UBE2H: variants seen among roughly 807,000 people sequenced by gnomAD.
UBE2H encodes ubiquitin-conjugating enzyme E2 H.
A neutral mutation model predicts 29.0 loss-of-function variants in UBE2H; 3 were observed. That is an observed-to-expected ratio of 0.10 (90% CI 0.05 to 0.27). The LOEUF is 0.27. Among genes scored for constraint, UBE2H ranks in the 10% least tolerant of loss-of-function variants. The pLI is 1.00. For missense variants in UBE2H, 68 were observed against 228.2 expected (o/e 0.30, Z 4.52); for synonymous variants, 69 against 82.9 (o/e 0.83, Z 0.91).
At chr7:129,862,951 C>A (rs1285178148) in intron 3 of UBE2H, among the ~76,000 whole-genome samples, 3 of 152,124 alleles carry the variant, frequency 2.0e-5, no homozygotes, top group African/African-American at 7.2e-5. Flanking sequence ...TGGCAGATCT[C>A]AAGCAAAACA....
chr7:129,869,127 G>A (rs911534177), intron 3 of UBE2H, among the ~76,000 whole-genome samples: 3 of 151,906 alleles, frequency 2.0e-5, no homozygotes, highest in South Asian at 2.1e-4. Flanking sequence ...GTATAGAGAC[G>A]GGGTTTCTCT....
intron 1 of UBE2H, among the ~76,000 whole-genome samples, chr7:129,904,358 G>A (rs2402980): frequency 0.64 from 97,769 of 151,696 alleles, 32,507 homozygotes; most frequent in East Asian, 0.88. Flanking sequence ...GGCCTTAAGC[G>A]ATCCTCTTGC....
intron 1 of UBE2H, among the ~76,000 whole-genome samples, chr7:129,910,394 A>ATTCCT (rs956250459): frequency 1.3e-5 from 2 of 152,098 alleles, no homozygotes; most frequent in African/African-American, 2.4e-5. Flanking sequence ...AGAGTTAGGA[A>ATTCCT]GTGTCCCTTG....
At chr7:129,926,829 GCTCAGCCCCTT>G (rs1253862293) in intron 1 of UBE2H, among the ~76,000 whole-genome samples, 2 of 152,060 alleles carry the variant, frequency 1.3e-5, no homozygotes, top group African/African-American at 2.4e-5. Flanking sequence ...ATCATAAAAA[GCTCAGCCCCTT>G]CTCCATACAG....
intron 1 of UBE2H, among the ~76,000 whole-genome samples, chr7:129,894,771 G>A (rs1447188455): frequency 6.6e-6 from 1 of 151,662 alleles, no homozygotes; most frequent in Non-Finnish European, 1.5e-5. Flanking sequence ...TTACAGGCCT[G>A]AGCCACCGCG....
At chr7:129,932,477 T>C (rs1292373328) in intron 1 of UBE2H, among the ~76,000 whole-genome samples, 1 of 152,128 alleles carries the variant, frequency 6.6e-6, no homozygotes, top group Non-Finnish European at 1.5e-5. Flanking sequence ...TGTCATGCAC[T>C]GGCCATTTGG....
chr7:129,947,343 A>G (rs1807785746), intron 1 of UBE2H, among the ~76,000 whole-genome samples: 1 of 152,212 alleles, frequency 6.6e-6, no homozygotes, highest in Non-Finnish European at 1.5e-5. Context: ...AAGACCATAA[A>G]GCTGTGCCAA....
intron 1 of UBE2H, among the ~76,000 whole-genome samples, chr7:129,887,238 T>C (rs972711732): frequency 1.3e-5 from 2 of 149,866 alleles, no homozygotes; most frequent in Admixed American, 1.3e-4. Flanking sequence ...TTTTTTTTTT[T>C]TGAGATGGAG....
chr7:129,944,386 A>C (rs1433408523), intron 1 of UBE2H, among the ~76,000 whole-genome samples: 1 of 152,144 alleles, frequency 6.6e-6, no homozygotes, highest in Non-Finnish European at 1.5e-5. Flanking sequence ...AAAACACACA[A>C]GTGAAACAAC....
Position 129,899,557 on chromosome 7 carries a change from T to C in UBE2H, c.54-18586A>G, listed in dbSNP as rs11978225. Among the ~76,000 whole-genome samples the C allele has an allele frequency of 3.7e-3, 566 of 152,324 alleles. 3 individuals are homozygous for C. Among genetic ancestry groups the C allele is most frequent in the African/African-American group, 0.013 (544 of 41,556 alleles). ...TTTTCACAGGGATTCGCTCTACTGT[T>C]CCTTCTTGCCTCTTTAACACAACAC... On this transcript the variant is annotated intron_variant, in intron 1 of 6. Transcript: ENST00000355621.
chr7:129,937,127 AGACCATCCT>A (rs1166186343), intron 1 of UBE2H, among the ~76,000 whole-genome samples: 1 of 152,094 alleles, frequency 6.6e-6, no homozygotes, highest in Non-Finnish European at 1.5e-5. Flanking sequence ...CAGGAGATCG[AGACCATCCT>A]GGCCAACACA....
intron 1 of UBE2H, among the ~76,000 whole-genome samples, chr7:129,900,384 T>C (rs1806686091): frequency 6.6e-6 from 1 of 152,222 alleles, no homozygotes. Context: ...CTTGACTACT[T>C]AAATGTGAGA....
At chr7:129,867,215 T>C (rs914185831) in intron 3 of UBE2H, among the ~76,000 whole-genome samples, 1 of 152,160 alleles carries the variant, frequency 6.6e-6, no homozygotes. Flanking sequence ...GTGCCCCATA[T>C]TTATTATTAA....
At chr7:129,921,317 A>G (rs1344946729) in intron 1 of UBE2H, among the ~76,000 whole-genome samples, 1 of 152,192 alleles carries the variant, frequency 6.6e-6, no homozygotes, top group African/African-American at 2.4e-5. Context: ...CATTGGTGCA[A>G]TCATAGCTCA....
At chr7:129,857,411 A>C in intron 5 of UBE2H, 100 bp downstream of exon 5, 2 of 1,310,136 alleles carry the variant, frequency 1.5e-6, no homozygotes, top group Non-Finnish European at 2.1e-6. Flanking sequence ...ATCCCTTCCC[A>C]TTACCAACAA....
intron 3 of UBE2H, among the ~76,000 whole-genome samples, chr7:129,866,829 C>T (rs567943519): frequency 6.6e-6 from 1 of 152,184 alleles, no homozygotes; most frequent in Non-Finnish European, 1.5e-5. Context: ...CTTTGCCTTT[C>T]TGTTCCCTTA....
intron 3 of UBE2H, among the ~76,000 whole-genome samples, chr7:129,863,807 TG>T (rs1805844106): frequency 7.0e-6 from 1 of 142,156 alleles, no homozygotes; most frequent in Non-Finnish European, 1.6e-5. Flanking sequence ...CAATACTAGG[TG>T]TTTTTTTTTT....
intron 1 of UBE2H, among the ~76,000 whole-genome samples, chr7:129,900,084 C>A (rs962529449): frequency 2.0e-5 from 3 of 150,968 alleles, no homozygotes; most frequent in Non-Finnish European, 4.4e-5. Flanking sequence ...GACCCGAGAT[C>A]ACATCACTGC....
chr7:129,884,024 A>G (rs1806307302), intron 1 of UBE2H, among the ~76,000 whole-genome samples: 1 of 152,178 alleles, frequency 6.6e-6, no homozygotes, highest in African/African-American at 2.4e-5. Flanking sequence ...TGAACCCAGG[A>G]GGCAGAGGTT....
Sources: allele counts gnomAD v4.1 joint callset (sites outside exome capture counted in the v4.1 genomes callset), GRCh38; gene constraint gnomAD v4.1.1; transcripts MANE v1.5; gene names NCBI Gene and HGNC (gene_info 2026-07-23, HGNC 2026-07-21).